MTA1: variants seen among roughly 807,000 people sequenced by gnomAD.
The protein encoded by MTA1 is metastasis associated 1.
Under a neutral mutation model 97.0 loss-of-function variants are expected in MTA1, and 15 were observed. The observed-to-expected ratio is 0.15, with a 90% CI of 0.10 to 0.24. MTA1 has a LOEUF of 0.24. MTA1 is among the 10% of genes least tolerant of loss of function. The probability of loss-of-function intolerance (pLI) is 1.00; values close to 1 mark genes in which losing one functional copy is unlikely to be tolerated. For synonymous variants in MTA1, 435 were observed against 417.5 expected (o/e 1.04, Z -0.51); for missense variants, 709 against 1,015.1 (o/e 0.70, Z 4.10).
At chr14:105,464,980 C>A in intron 15 of MTA1, 114 bp from the exon 16 acceptor site, 1 of 903,512 alleles carries the variant, frequency 1.1e-6, no homozygotes, top group Non-Finnish European at 1.6e-6. Flanking sequence ...AGCCCCACGT[C>A]CTCCTCGGTG....
chr14:105,431,321 C>A (rs927974002), intron 1 of MTA1, among the ~76,000 whole-genome samples: 3 of 152,144 alleles, frequency 2.0e-5, no homozygotes, highest in African/African-American at 7.2e-5. Context: ...CCTTGGCCTC[C>A]CAAACTGCTG....
chr14:105,466,584 T>C lies in MTA1; in HGVS notation c.1777+6T>C. On this transcript the variant is annotated splice_donor_region_variant and intron_variant, in intron 17 of 20. Transcript: ENST00000331320. ...GCAGCACAACGGGGTGGACGGTGAG[T>C]GGCCCCCCCGCCCGGTGAGTGTGGC... 6.4e-7 allele frequency: 1 copy of C among 1,569,218 alleles called. No individual in the cohort carries two copies. The highest frequency in any genetic ancestry group is 8.6e-7 in the Non-Finnish European group (1 of 1,157,106).
Position 105,469,426 on chromosome 14 carries a change from G to A in MTA1, c.1814-41G>A, listed in dbSNP as rs201939361. ...GGTGGGCGGTGGGAGTGCAGGACGC[G>A]CTCTCTCGGGGCCTCATTTCTCTCC... On this transcript the variant is annotated intron_variant, in intron 18 of 20. Transcript: ENST00000331320. 176 of 1,609,756 alleles carry A rather than the reference G, an allele frequency of 1.1e-4. No homozygotes were observed. In the African/African-American group the frequency reaches 1.8e-3, roughly 16 times the overall value.
chr14:105,421,115 T>TGG (rs79167904), intron 1 of MTA1, among the ~76,000 whole-genome samples: 33,628 of 152,040 alleles, frequency 0.22, 4,819 homozygotes, highest in Non-Finnish European at 0.33. Flanking sequence ...TTGGGGACGG[T>TGG]GGGAGCCCCC....
intron 4 of MTA1, among the ~76,000 whole-genome samples, 155 bp downstream of exon 4, chr14:105,449,564 C>T (rs150284753): frequency 5.8e-4 from 89 of 152,308 alleles, no homozygotes; most frequent in African/African-American, 2.0e-3. Context: ...CCCTTGTGTC[C>T]GGCCCACGGC....
chr14:105,437,945 T>C (rs982909536), intron 1 of MTA1, among the ~76,000 whole-genome samples: 2 of 152,214 alleles, frequency 1.3e-5, no homozygotes, highest in Non-Finnish European at 2.9e-5. Context: ...TCTGTGGAGC[T>C]GGTGAGAAGG....
rs2141703846 is a variant in MTA1 at position 105,466,983 on chromosome 14, T to C, written c.1813+241T>C. ...CCCGCCTCCTGTCAGTGGACTGTCC[T>C]GGCACGTGTGGCCCTGGCGCCCCTG... is the stretch of plus-strand genomic sequence containing the variant. On this transcript the variant is annotated intron_variant, in intron 18 of 20. Transcript: ENST00000331320. 8.7e-6 allele frequency: 5 copies of C among 573,010 alleles called. No homozygotes were observed. The East Asian group carries it at 1.2e-4, about 14-fold the overall frequency. 35.5% of individuals were successfully genotyped at this position (573,010 alleles called of 1,614,324 possible). A position where few individuals can be genotyped will look rare whatever the true frequency, so the allele number is the denominator to read the frequency against.
At chr14:105,458,224 G>T (rs781914410) in intron 7 of MTA1, 46 bp from the exon 8 acceptor site, 1 of 1,555,542 alleles carries the variant, frequency 6.4e-7, no homozygotes, top group Admixed American at 1.7e-5. Flanking sequence ...GCGGCCCGGC[G>T]CGCCGTGGGA....
chr14:105,466,828 GC>G, intron 18 of MTA1, 86 bp downstream of exon 18: 1 of 1,399,304 alleles, frequency 7.1e-7, no homozygotes, highest in Non-Finnish European at 9.7e-7. Context: ...GCGGCGGGCG[GC>G]CCAGGGCCCA....
At chr14:105,464,971 G>A (rs1490381540) in intron 15 of MTA1, 108 bp downstream of exon 15, 2 of 1,428,978 alleles carry the variant, frequency 1.4e-6, no homozygotes, top group South Asian at 1.4e-5. Flanking sequence ...ATCTCAGGGA[G>A]CCCCACGTCC....
Position 105,463,770 on chromosome 14 carries a change from G to A in MTA1, c.1076+219G>A, listed in dbSNP as rs781846973. 5 of 621,154 alleles carry A rather than the reference G, an allele frequency of 8.0e-6. No individual in the cohort carries two copies. In the East Asian group the frequency reaches 1.1e-4, roughly 14 times the overall value. The allele number at this position is 621,154 out of a possible 1,614,324, so 38.5% of individuals were successfully genotyped here. A position where few individuals can be genotyped will look rare whatever the true frequency, so the allele number is the denominator to read the frequency against. On this transcript the variant is annotated intron_variant, in intron 12 of 20. Coordinates refer to ENST00000331320, the MANE Select transcript of MTA1 (RefSeq NM_004689.4). This position sits in a 1 kb window ranked among gnomAD's most constrained non-coding sequence, Gnocchi z 5.9. ...GCCTCCTGGTCAGTAAGGGGGCATT[G>A]GGATTCCAGCCCACACCGCCAGGGT...
Position 105,463,676 on chromosome 14 carries a change from C to T in MTA1, c.1076+125C>T, listed in dbSNP as rs1299902459. On this transcript the variant is annotated intron_variant, in intron 12 of 20. Transcript: ENST00000331320. The surrounding 1 kb of genome is among the most constrained non-coding windows in gnomAD (Gnocchi z 5.9). ...CAGAGGCTGGGAAAGTTGGGGCAGC[C>T]CCCGGGAGGGCGGCCCAGGGCTGGG... 5 of 996,920 alleles carry T rather than the reference C, an allele frequency of 5.0e-6. No individual in the cohort carries two copies. The highest frequency in any genetic ancestry group is 1.4e-5 in the South Asian group (1 of 69,312). The allele number at this position is 996,920 out of a possible 1,614,324, so 61.8% of individuals were successfully genotyped here. A position where few individuals can be genotyped will look rare whatever the true frequency, so the allele number is the denominator to read the frequency against.
At chr14:105,444,219 A>C (rs1438284273) in intron 2 of MTA1, among the ~76,000 whole-genome samples, 1 of 149,960 alleles carries the variant, frequency 6.7e-6, no homozygotes, top group Non-Finnish European at 1.5e-5. Context: ...TAAAAAATAC[A>C]AAAAAATTAG....
intron 4 of MTA1, 62 bp from the exon 5 acceptor site, chr14:105,449,996 G>A (rs1415255562): frequency 6.2e-7 from 1 of 1,606,200 alleles, no homozygotes; most frequent in Middle Eastern, 1.7e-4. Context: ...GGCTGGTGGG[G>A]TGGGCCTTGG....
chr14:105,464,104 G>A lies in MTA1; in HGVS notation c.1149G>A (p.Pro383=), dbSNP rs200592480. 8.7e-5 allele frequency: 141 copies of A among 1,612,162 alleles called. No homozygotes were observed. The East Asian group carries it at 1.6e-3, about 19-fold the overall frequency. The change falls in exon 13 of 21, where the codon CCG becomes CCA. Residue 383 remains proline (P), a synonymous_variant. Coordinates refer to ENST00000331320, the MANE Select transcript of MTA1 (RefSeq NM_004689.4). ...KAGVVNGTGA[P]GQSPGAGRAC... is the part of the protein sequence containing the mutation. Reference sequence around the variant, plus strand: ...GTGTGGTGAACGGCACGGGGGCGCCGGGCCAGAGCCCTGGGGCTGGCCGGG... The same window carrying A: ...GTGTGGTGAACGGCACGGGGGCGCCAGGCCAGAGCCCTGGGGCTGGCCGGG...
chr14:105,449,722 A>C, intron 4 of MTA1, among the ~76,000 whole-genome samples: 1 of 149,964 alleles, frequency 6.7e-6, no homozygotes, highest in South Asian at 2.1e-4. Flanking sequence ...GCAGCCGCCG[A>C]CTCCCCCGCT....
chr14:105,455,580 T>A (rs1555429707), intron 7 of MTA1, among the ~76,000 whole-genome samples: 1 of 152,244 alleles, frequency 6.6e-6, no homozygotes, highest in African/African-American at 2.4e-5. Flanking sequence ...CGGGTCTTGC[T>A]GTGTCGCCCA....
intron 6 of MTA1, among the ~76,000 whole-genome samples, chr14:105,453,881 C>T (rs2083040555): frequency 2.0e-5 from 3 of 152,246 alleles, no homozygotes; most frequent in Admixed American, 6.5e-5. Flanking sequence ...TTGGTAAAGG[C>T]TTGTGGAGCC....
At chr14:105,469,417 G>GCAGGACGCGCTCTCT in intron 18 of MTA1, 50 bp from the exon 19 acceptor site, 1 of 1,604,406 alleles carries the variant, frequency 6.2e-7, no homozygotes, top group South Asian at 1.1e-5. Flanking sequence ...CGGTGGGAGT[G>GCAGGACGCGCTCTCT]CAGGACGCGC....
Sources: allele counts gnomAD v4.1 joint callset (sites outside exome capture counted in the v4.1 genomes callset), GRCh38; gene constraint gnomAD v4.1.1; non-coding constraint Gnocchi (gnomAD v3.1); transcripts MANE v1.5; gene names NCBI Gene and HGNC (gene_info 2026-07-23, HGNC 2026-07-21).